The following TJP2 variants were observed in gnomAD, a reference collection of about 807,000 sequenced individuals.
TJP2 encodes Friedreich ataxia region gene X104 (tight junction protein ZO-2).
A neutral mutation model predicts 133.1 loss-of-function variants in TJP2; 91 were observed. The observed-to-expected ratio is 0.68, with a 90% CI of 0.58 to 0.81. The LOEUF (loss-of-function observed/expected upper bound fraction) is 0.81. TJP2 is among the 40% of genes least tolerant of loss of function. The probability of loss-of-function intolerance (pLI) is 0.00; values close to 1 mark genes in which losing one functional copy is unlikely to be tolerated. For synonymous variants in TJP2, 592 were observed against 583.4 expected, an observed-to-expected ratio of 1.01 and a Z score of -0.21; for missense variants, 1,541 against 1,565.6, an observed-to-expected ratio of 0.98 and a Z score of 0.26.
At chr9:69,252,701 G>A in intron 21 of TJP2, 114 bp from the exon 22 acceptor site, 1 of 983,030 alleles carries the variant, frequency 1.0e-6, no homozygotes, top group Admixed American at 2.0e-5. Flanking sequence ...CTTGAAATGG[G>A]ATGGGAAAAT....
chr9:69,249,124 GATTTTAGAC>G, intron 19 of TJP2: 2 of 1,297,476 alleles, frequency 1.5e-6, no homozygotes, highest in Non-Finnish European at 2.0e-6. Context: ...TGACACAAGA[GATTTTAGAC>G]TTTTGGAGGG....
intron 1 of TJP2, among the ~76,000 whole-genome samples, chr9:69,191,741 A>T (rs1034128191): frequency 1.5e-4 from 22 of 149,982 alleles, no homozygotes; most frequent in South Asian, 2.1e-4. Context: ...CATTTTTAAA[A>T]TTTTTTTTTT....
intron 1 of TJP2, chr9:69,204,931 G>A (rs2133151611): frequency 1.6e-6 from 2 of 1,258,278 alleles, no homozygotes; most frequent in South Asian, 3.1e-5. Context: ...GAGAAAGAAA[G>A]CTGTTGAAGT....
intron 3 of TJP2, among the ~76,000 whole-genome samples, chr9:69,217,887 G>C (rs888397060): frequency 1.3e-5 from 2 of 152,192 alleles, no homozygotes; most frequent in Admixed American, 6.5e-5. Flanking sequence ...CTACTTGGAA[G>C]GAGTGTTTTT....
chr9:69,188,507 A>C (rs1225424765), intron 1 of TJP2, among the ~76,000 whole-genome samples: 1 of 152,204 alleles, frequency 6.6e-6, no homozygotes, highest in Non-Finnish European at 1.5e-5. Context: ...AAATAGGAGA[A>C]GCTCAAGGCC....
rs903210903 is a variant in TJP2, at chr9:69,254,442, C to T, written c.*68C>T. 1.1e-5 allele frequency: 18 copies of T among 1,597,282 alleles called. No individual in the cohort carries two copies. Among genetic ancestry groups the T allele is most frequent in the Middle Eastern group, 2.1e-4 (1 of 4,822 alleles). ...AGACTAGCCACTCCTGCCAGGCCGC[C>T]GGGATGGTTCTTCTCCAGTTAGAAT... On this transcript the variant is annotated 3_prime_UTR_variant, in exon 23 of 23. Transcript: ENST00000377245.
intron 5 of TJP2, among the ~76,000 whole-genome samples, chr9:69,221,755 T>C (rs1828883653): frequency 6.6e-6 from 1 of 151,952 alleles, no homozygotes; most frequent in East Asian, 1.9e-4. Flanking sequence ...TTTCAACATG[T>C]TGGCCAGGCT....
chr9:69,175,650 A>G (rs1825029867), intron 1 of TJP2, among the ~76,000 whole-genome samples: 1 of 152,206 alleles, frequency 6.6e-6, no homozygotes, highest in South Asian at 2.1e-4. Flanking sequence ...TGGCTCTGTC[A>G]CACAGTCCCG....
intron 11 of TJP2, among the ~76,000 whole-genome samples, chr9:69,230,691 G>C (rs531698332): frequency 3.3e-5 from 5 of 152,256 alleles, no homozygotes; most frequent in Middle Eastern, 3.4e-3. Context: ...CTGTGACCCT[G>C]GTTCACCCTG....
chr9:69,237,471 G>T (rs762760968), intron 14 of TJP2, among the ~76,000 whole-genome samples: 1 of 152,128 alleles, frequency 6.6e-6, no homozygotes, highest in Admixed American at 6.5e-5. Flanking sequence ...TTCAAGACTA[G>T]CCTGGGCAAT....
chr9:69,157,534 T>C (rs1823834650), intron 2 of TJP2, among the ~76,000 whole-genome samples: 1 of 151,950 alleles, frequency 6.6e-6, no homozygotes, highest in Non-Finnish European at 1.5e-5. Context: ...AGCATGATCT[T>C]GGCTCATTGC....
At chr9:69,234,679 T>TG (rs1830052731) in intron 12 of TJP2, 132 bp downstream of exon 12, 1 of 656,174 alleles carries the variant, frequency 1.5e-6, no homozygotes, top group Non-Finnish European at 2.7e-6. Flanking sequence ...ACCTAGTCCT[T>TG]GGGCCCTAGG....
intron 1 of TJP2, among the ~76,000 whole-genome samples, chr9:69,186,179 A>AT (rs1346765177): frequency 6.6e-6 from 1 of 152,134 alleles, no homozygotes; most frequent in African/African-American, 2.4e-5. Context: ...TAGAATGTGA[A>AT]TTTTTTCCTC....
At chr9:69,139,612 G>C (rs1342485731) in intron 1 of TJP2, among the ~76,000 whole-genome samples, 2 of 152,132 alleles carry the variant, frequency 1.3e-5, no homozygotes, top group African/African-American at 4.8e-5. Flanking sequence ...TGTTGTTTAA[G>C]CCACCCAGTC....
chr9:69,130,542 ATGC>A (rs1822449303), intron 1 of TJP2, among the ~76,000 whole-genome samples: 1 of 152,108 alleles, frequency 6.6e-6, no homozygotes, highest in African/African-American at 2.4e-5. Context: ...CACCCAGGTC[ATGC>A]TGCTGCTGCT....
Position 69,237,856 on chromosome 9 carries a change from A to G in TJP2, c.2180-22A>G, listed in dbSNP as rs377727385. The stretch of plus-strand genomic sequence containing the variant: ...CAGCTAGGCAAGTGTGTATGCTTTA[A>G]TGGCCTTTCTTGTCATTTCAGCTGG... On this transcript the variant is annotated intron_variant, in intron 14 of 22. Transcript: ENST00000377245. 3.2e-6 allele frequency: 5 copies of G among 1,567,524 alleles called. No individual in the cohort carries two copies. The African/African-American group carries it at 5.4e-5, about 17-fold the overall frequency.
At chr9:69,221,565 T>A in intron 5 of TJP2, 69 bp downstream of exon 5, 1 of 1,545,056 alleles carries the variant, frequency 6.5e-7, no homozygotes, top group South Asian at 1.2e-5. Flanking sequence ...CTTAATTTTT[T>A]TTTTTCCCCC....
chr9:69,143,910 A>G (rs564044897), intron 1 of TJP2, among the ~76,000 whole-genome samples: 17 of 152,352 alleles, frequency 1.1e-4, no homozygotes, highest in African/African-American at 9.6e-5. Context: ...ATACATGAGT[A>G]TATTAGTTTG....
intron 4 of TJP2, among the ~76,000 whole-genome samples, chr9:69,218,952 TTG>T (rs373006256): frequency 0.017 from 2,473 of 147,934 alleles, 65 homozygotes; most frequent in Non-Finnish European, 0.023. Flanking sequence ...ACATATATGG[TTG>T]TGTGTGTGTG....
Sources: gnomAD v4.1 joint callset for allele counts (sites outside exome capture counted in the v4.1 genomes callset) on GRCh38, gnomAD v4.1.1 for gene constraint, MANE v1.5 for transcripts, NCBI Gene and HGNC (gene_info 2026-07-23, HGNC 2026-07-21) for gene names.